The following ASTN2 variants were observed in gnomAD, a reference collection of about 807,000 sequenced individuals.
ASTN2 encodes astrotactin-2.
In ASTN2, 54 loss-of-function variants were observed where a neutral mutation model predicts 139.8. The observed-to-expected ratio is 0.39, with a 90% CI of 0.31 to 0.48. The LOEUF (loss-of-function observed/expected upper bound fraction) is 0.48, where lower values mean the gene tolerates loss of function less well. Among genes scored for constraint, ASTN2 ranks in the 20% least tolerant of loss-of-function variants. The pLI is 0.95. For missense variants in ASTN2, 1,565 were observed against 1,725.1 expected, an observed-to-expected ratio of 0.91 and a Z score of 1.64; for synonymous variants, 756 against 719.5, an observed-to-expected ratio of 1.05 and a Z score of -0.81.
At chr9:116,693,418 A>C (rs930556802) in intron 16 of ASTN2, among the ~76,000 whole-genome samples, 9 of 152,200 alleles carry the variant, frequency 5.9e-5, no homozygotes, top group African/African-American at 2.2e-4. Flanking sequence ...GTGGTGCTAG[A>C]AGAGGCGAGA....
In ASTN2 at chr9:116,925,868, AC is replaced by A. The variant is rs1277825588; in HGVS notation, c.1889+49339del. Among the ~76,000 whole-genome samples, 609 of 31,196 alleles carry A rather than the reference AC, an allele frequency of 0.02. 5 individuals are homozygous for A. In the Middle Eastern group the frequency reaches 0.23, roughly 12 times the overall value. 20.5% of individuals were successfully genotyped at this position (31,196 alleles called of 152,430 possible). A position where few individuals can be genotyped will look rare whatever the true frequency, so the allele number is the denominator to read the frequency against. On this transcript the variant is annotated intron_variant, in intron 10 of 22. Transcript: ENST00000313400. Reference sequence around the variant, plus strand: ...CAAGGAGATACACAACACAACACACACACACACACACACACACACACATATA... The same window carrying A: ...CAAGGAGATACACAACACAACACACAACACACACACACACACACACATATA...
At chr9:116,939,268 A>ATAG (rs1039045527) in intron 10 of ASTN2, among the ~76,000 whole-genome samples, 120 of 152,346 alleles carry the variant, frequency 7.9e-4, no homozygotes, top group African/African-American at 2.6e-3. Flanking sequence ...AGTAGTAGCT[A>ATAG]TAGTAAGATA....
intron 1 of ASTN2, among the ~76,000 whole-genome samples, chr9:117,337,861 T>G (rs1157125175): frequency 2.0e-5 from 3 of 152,138 alleles, no homozygotes; most frequent in Non-Finnish European, 2.9e-5. Flanking sequence ...GCCAAGGTGC[T>G]CATGACCTCG....
intron 16 of ASTN2, among the ~76,000 whole-genome samples, chr9:116,664,415 A>G (rs1451352757): frequency 2.7e-5 from 4 of 147,358 alleles, no homozygotes; most frequent in Non-Finnish European, 6.0e-5. Flanking sequence ...TTTGTATAGA[A>G]ATATATATAA....
At chr9:116,599,823 G>A (rs922317197) in intron 19 of ASTN2, among the ~76,000 whole-genome samples, 16 of 152,288 alleles carry the variant, frequency 1.1e-4, no homozygotes, top group African/African-American at 3.8e-4. Context: ...GTCAGATGGA[G>A]GAGGAAGGGA....
intron 2 of ASTN2, among the ~76,000 whole-genome samples, chr9:117,270,130 A>T (rs998745587): frequency 2.6e-5 from 4 of 152,200 alleles, no homozygotes; most frequent in Admixed American, 2.6e-4. Flanking sequence ...GTAAATTTTC[A>T]TCTCTGGGTA....
intron 10 of ASTN2, among the ~76,000 whole-genome samples, chr9:116,920,185 T>C (rs546529952): frequency 2.0e-5 from 3 of 152,304 alleles, no homozygotes; most frequent in African/African-American, 7.2e-5. Context: ...TTTCCCTGGA[T>C]AAAGGACCTT....
chr9:117,244,645 A>AC (rs1833321939), intron 2 of ASTN2, among the ~76,000 whole-genome samples: 1 of 137,810 alleles, frequency 7.3e-6, no homozygotes, highest in African/African-American at 2.9e-5. Flanking sequence ...TGGAGGAAGG[A>AC]AGTAGGGAAG....
intron 1 of ASTN2, among the ~76,000 whole-genome samples, chr9:117,402,894 C>T (rs1830876739): frequency 6.6e-6 from 1 of 152,042 alleles, no homozygotes; most frequent in South Asian, 2.1e-4. Flanking sequence ...AGAGCAGATG[C>T]TAGAGCTAAG....
rs758038048 is a variant in ASTN2, at chr9:117,117,909, G to A, written c.1169-21758C>T. 5.3e-4 allele frequency among the ~76,000 whole-genome samples: 81 copies of A among 152,184 alleles called. No homozygotes were observed. The Middle Eastern group carries it at 0.01, about 19-fold the overall frequency. On this transcript the variant is annotated intron_variant, in intron 4 of 22. Coordinates refer to ENST00000313400, the MANE Select transcript of ASTN2 (RefSeq NM_001365068.1). ...GCTCTGGGGGTAAGAGCCACCCAAA[G>A]GCCCCTGCGTCTCATGGCAGCAGGG...
At chr9:117,385,930 A>G (rs1830385674) in intron 1 of ASTN2, among the ~76,000 whole-genome samples, 1 of 152,052 alleles carries the variant, frequency 6.6e-6, no homozygotes, top group Admixed American at 6.6e-5. Context: ...AATGCCCAGG[A>G]AGCTTTGGGG....
chr9:117,022,976 CAAAT>C, intron 6 of ASTN2, among the ~76,000 whole-genome samples: 1 of 149,304 alleles, frequency 6.7e-6, no homozygotes, highest in East Asian at 2.0e-4. Context: ...ATAGTGAAAA[CAAAT>C]CAAACAAACA....
chr9:117,095,064 C>T (rs1490173272), intron 5 of ASTN2, among the ~76,000 whole-genome samples: 4 of 152,186 alleles, frequency 2.6e-5, no homozygotes, highest in Non-Finnish European at 5.9e-5. Context: ...CAGCACACCT[C>T]TTTGTGGAGG....
chr9:116,862,597 T>C (rs1363785022), intron 11 of ASTN2, among the ~76,000 whole-genome samples: 1 of 152,112 alleles, frequency 6.6e-6, no homozygotes, highest in African/African-American at 2.4e-5. Flanking sequence ...AAGAAAAGGT[T>C]CTGAGGCATG....
At chr9:116,934,484 G>A (rs146876630) in intron 10 of ASTN2, among the ~76,000 whole-genome samples, 96 of 152,218 alleles carry the variant, frequency 6.3e-4, no homozygotes, top group Non-Finnish European at 1.2e-3. Context: ...ATAGCAAAAT[G>A]GCTTTTTTGC....
rs1850812270 is a variant in ASTN2, at chr9:116,520,257, T to C, written c.3356-32757A>G. Among the ~76,000 whole-genome samples the C allele has an allele frequency of 2.6e-5, 4 of 151,714 alleles. No individual in the cohort carries two copies. The South Asian group carries it at 8.3e-4, about 32-fold the overall frequency. ...ATAGATGCAAAAATTCTCAACAGAG[T>C]ACTAGTAAACTGAATTCAACAGCAT... On this transcript the variant is annotated intron_variant, in intron 19 of 22. Transcript: ENST00000313400.
At chr9:116,992,918 C>A in intron 7 of ASTN2, among the ~76,000 whole-genome samples, 1 of 152,200 alleles carries the variant, frequency 6.6e-6, no homozygotes, top group Non-Finnish European at 1.5e-5. Context: ...ATGCTTCTTT[C>A]TGCCTTGGCT....
At chr9:116,992,997 C>G (rs1379255851) in intron 7 of ASTN2, among the ~76,000 whole-genome samples, 4 of 152,190 alleles carry the variant, frequency 2.6e-5, no homozygotes, top group African/African-American at 9.7e-5. Context: ...GTCTCCCTTC[C>G]AACATGTTTA....
chr9:116,722,664 T>C (rs1227026313), intron 16 of ASTN2, among the ~76,000 whole-genome samples: 1 of 152,156 alleles, frequency 6.6e-6, no homozygotes, highest in Admixed American at 6.5e-5. Context: ...TCCTTTGCTT[T>C]CTGGGGTAGA....
Sources: allele counts gnomAD v4.1 joint callset (sites outside exome capture counted in the v4.1 genomes callset), GRCh38; gene constraint gnomAD v4.1.1; transcripts MANE v1.5; gene names NCBI Gene and HGNC (gene_info 2026-07-23, HGNC 2026-07-21).